Variants in FRK observed in about 807,000 individuals in gnomAD.
FRK encodes tyrosine-protein kinase FRK.
In FRK, 51 loss-of-function variants were observed where a neutral mutation model predicts 56.4. The observed-to-expected ratio is 0.90, with a 90% CI of 0.72 to 1.14. The LOEUF (loss-of-function observed/expected upper bound fraction) is 1.14, where lower values mean the gene tolerates loss of function less well. FRK is among the 50% of genes most tolerant of loss of function. The pLI is 0.00. For missense variants in FRK, 570 were observed against 601.4 expected, an observed-to-expected ratio of 0.95 and a Z score of 0.55; for synonymous variants, 245 against 217.9, an observed-to-expected ratio of 1.12 and a Z score of -1.10.
chr6:116,092,226 G>T, the FRK span, among the ~76,000 whole-genome samples: 1 of 152,174 alleles, frequency 6.6e-6, no homozygotes, highest in African/African-American at 2.4e-5. Flanking sequence ...TCTCCCCTCA[G>T]ACTAGAAGGC....
At chr6:116,039,877 G>A (rs1305473039) in intron 1 of FRK, among the ~76,000 whole-genome samples, 1 of 151,184 alleles carries the variant, frequency 6.6e-6, no homozygotes, top group East Asian at 1.9e-4. Context: ...CCTCTCCCAC[G>A]GTGCCCGCGC....
At chr6:116,044,829 A>C (rs1053988630) in intron 1 of FRK, among the ~76,000 whole-genome samples, 9 of 152,236 alleles carry the variant, frequency 5.9e-5, no homozygotes, top group Non-Finnish European at 1.3e-4. Context: ...GTGTATTTAG[A>C]AAACCCCACT....
In FRK at chr6:115,984,379, A is replaced by G. The variant is rs570206301; in HGVS notation, c.467-15640T>C. Among the ~76,000 whole-genome samples, 10 of 152,122 alleles carry G rather than the reference A, an allele frequency of 6.6e-5. No homozygotes were observed. The South Asian group carries it at 2.1e-3, about 32-fold the overall frequency. On this transcript the variant is annotated intron_variant, in intron 2 of 7. Coordinates refer to ENST00000606080, the MANE Select transcript of FRK (RefSeq NM_002031.3). Reference sequence around the variant, plus strand: ...ACATGGTGCCAAGACCTTCACACACATTATCTCAGTGAATTCTCACATCAG... The same window carrying G: ...ACATGGTGCCAAGACCTTCACACACGTTATCTCAGTGAATTCTCACATCAG...
At chr6:116,034,598 C>T (rs575909183) in intron 1 of FRK, among the ~76,000 whole-genome samples, 12 of 152,104 alleles carry the variant, frequency 7.9e-5, no homozygotes, top group Middle Eastern at 3.4e-3. Context: ...AGGAAACTAA[C>T]GCAGAGAGAA....
intron 5 of FRK, among the ~76,000 whole-genome samples, chr6:115,946,073 G>A (rs1376867359): frequency 6.6e-6 from 1 of 152,072 alleles, no homozygotes; most frequent in Non-Finnish European, 1.5e-5. Context: ...GTTTTTAGAT[G>A]TCTGGAGAAT....
intron 4 of FRK, among the ~76,000 whole-genome samples, chr6:115,960,615 G>A (rs1422499883): frequency 2.0e-5 from 2 of 100,970 alleles, no homozygotes; most frequent in African/African-American, 3.9e-5. Context: ...CAAAAAGACA[G>A]CAGTAACCTC....
At chr6:115,957,024 G>C (rs751037409) in intron 4 of FRK, among the ~76,000 whole-genome samples, 1 of 152,164 alleles carries the variant, frequency 6.6e-6, no homozygotes, top group African/African-American at 2.4e-5. Flanking sequence ...GGTGCCCACT[G>C]TGGGAACAGC....
At chr6:116,097,301 G>A in the FRK span, among the ~76,000 whole-genome samples, 2 of 151,876 alleles carry the variant, frequency 1.3e-5, no homozygotes, top group African/African-American at 4.8e-5. Context: ...TTCCAATTTA[G>A]TAAATGAACT....
chr6:116,013,551 A>C lies in FRK; in HGVS notation c.345-9553T>G, dbSNP rs536351169. Among the ~76,000 whole-genome samples the C allele has an allele frequency of 3.2e-4, 48 of 152,326 alleles. 1 individual carries two copies. The highest frequency in any genetic ancestry group is 1.1e-3 in the African/African-American group (47 of 41,578). Reference sequence around the variant, plus strand: ...GTTAGAGTTGAAAGCTTTAATCATTAATTTCTATCTTTGTCACATCCAAAG... The same window carrying C: ...GTTAGAGTTGAAAGCTTTAATCATTCATTTCTATCTTTGTCACATCCAAAG... On this transcript the variant is annotated intron_variant, in intron 1 of 7. Coordinates refer to ENST00000606080, the MANE Select transcript of FRK (RefSeq NM_002031.3).
the FRK span, among the ~76,000 whole-genome samples, chr6:116,082,744 A>C: frequency 1.3e-5 from 2 of 152,210 alleles, no homozygotes; most frequent in Non-Finnish European, 2.9e-5. Context: ...AGAGCTTAAG[A>C]GGTCTATTAG....
rs1020178719 is a variant in FRK at position 116,031,046 on chromosome 6, G to A, written c.345-27048C>T. 5.3e-5 allele frequency among the ~76,000 whole-genome samples: 8 copies of A among 152,094 alleles called. No homozygotes were observed. In the South Asian group the frequency reaches 8.3e-4, roughly 16 times the overall value. On this transcript the variant is annotated intron_variant, in intron 1 of 7. Transcript: ENST00000606080. ...CTTGGACTCTATCCTTAAAAAAATC[G>A]TGCAAAACATGGAAAAATCTTTATA...
In FRK at chr6:115,936,208, G is replaced by C. The variant is rs901665935; in HGVS notation, c.*6206C>G. The C allele has an allele frequency of 5.8e-5, 9 of 155,090 alleles. No homozygotes were observed. The highest frequency in any genetic ancestry group is 1.3e-4 in the Non-Finnish European group (9 of 70,470). 9.6% of individuals were successfully genotyped at this position (155,090 alleles called of 1,614,324 possible). A position where few individuals can be genotyped will look rare whatever the true frequency, so the allele number is the denominator to read the frequency against. On this transcript the variant is annotated 3_prime_UTR_variant, in exon 8 of 8. Coordinates refer to ENST00000606080, the MANE Select transcript of FRK (RefSeq NM_002031.3). ...GTGACACCAAGGCAAACAGCATCTGGAGTGGACCTCCAGCAAACTCCAGCA... is the reference window on the plus strand; with the variant it reads ...GTGACACCAAGGCAAACAGCATCTGCAGTGGACCTCCAGCAAACTCCAGCA...
intron 1 of FRK, chr6:116,039,061 G>A (rs1487498637): frequency 1.3e-6 from 1 of 763,056 alleles, no homozygotes; most frequent in African/African-American, 1.7e-5. Context: ...ATGTCTTTGG[G>A]GAGTCAGATA....
chr6:115,965,958 C>T (rs1482535004), intron 4 of FRK, among the ~76,000 whole-genome samples: 4 of 100,836 alleles, frequency 4.0e-5, no homozygotes, highest in Non-Finnish European at 5.9e-5. Context: ...CTAGATGACA[C>T]GTTAGTGGGT....
At chr6:116,044,127 C>A (rs185219957) in intron 1 of FRK, among the ~76,000 whole-genome samples, 2 of 152,112 alleles carry the variant, frequency 1.3e-5, no homozygotes, top group Admixed American at 6.6e-5. Context: ...CAGGACCAGA[C>A]GGATTCACAG....
chr6:115,982,104 T>C (rs1033679907), intron 2 of FRK, among the ~76,000 whole-genome samples: 1 of 152,104 alleles, frequency 6.6e-6, no homozygotes, highest in Non-Finnish European at 1.5e-5. Flanking sequence ...AGATCTTCCC[T>C]CATCAATGTG....
At chr6:115,999,817 C>A (rs900492963) in intron 2 of FRK, among the ~76,000 whole-genome samples, 3 of 152,138 alleles carry the variant, frequency 2.0e-5, no homozygotes, top group African/African-American at 7.2e-5. Context: ...TCTTTCCTTT[C>A]CATTTTTCTC....
intron 2 of FRK, among the ~76,000 whole-genome samples, chr6:115,995,373 T>C (rs756050978): frequency 6.6e-6 from 1 of 152,150 alleles, no homozygotes; most frequent in South Asian, 2.1e-4. Context: ...TACAAAAATA[T>C]AGCAATTTCT....
the FRK span, among the ~76,000 whole-genome samples, chr6:116,095,500 G>A: frequency 1.3e-5 from 2 of 152,194 alleles, no homozygotes; most frequent in African/African-American, 4.8e-5. Flanking sequence ...AGTTAACAGT[G>A]TAACATGTAT....
Sources: allele counts gnomAD v4.1 joint callset (sites outside exome capture counted in the v4.1 genomes callset), GRCh38; gene constraint gnomAD v4.1.1; transcripts MANE v1.5; gene names NCBI Gene and HGNC (gene_info 2026-07-23, HGNC 2026-07-21).